Variants in SLC44A5 observed in about 807,000 individuals in gnomAD.
The protein encoded by SLC44A5 is choline transporter-like protein 5.
A neutral mutation model predicts 101.8 loss-of-function variants in SLC44A5; 57 were observed. That is an observed-to-expected ratio of 0.56 (90% CI 0.45 to 0.70). The LOEUF (loss-of-function observed/expected upper bound fraction) is 0.70, where lower values mean the gene tolerates loss of function less well. Ranked by LOEUF, SLC44A5 falls within the 30% of genes least tolerant of loss-of-function variation. The pLI is 0.00. For missense variants in SLC44A5, 737 were observed against 853.1 expected, an observed-to-expected ratio of 0.86 and a Z score of 1.70; for synonymous variants, 281 against 290.9, an observed-to-expected ratio of 0.97 and a Z score of 0.35.
intron 1 of SLC44A5, among the ~76,000 whole-genome samples, chr1:75,574,462 T>C (rs1177272157): frequency 1.3e-5 from 2 of 152,190 alleles, no homozygotes; most frequent in Admixed American, 6.5e-5. Flanking sequence ...CTTGATAAAA[T>C]ATTGACAATA....
At chr1:75,300,101 C>T (rs1375576063) in intron 5 of SLC44A5, among the ~76,000 whole-genome samples, 1 of 131,896 alleles carries the variant, frequency 7.6e-6, no homozygotes, top group Non-Finnish European at 1.6e-5. Context: ...AATCTTTAAC[C>T]TAACAATAAA....
chr1:75,683,149 C>G, the SLC44A5 span, among the ~76,000 whole-genome samples: 1 of 151,508 alleles, frequency 6.6e-6, no homozygotes, highest in African/African-American at 2.4e-5. Flanking sequence ...CACTTTTACA[C>G]TGTTGGTGGG....
At chr1:75,383,892 G>A (rs904533596) in intron 3 of SLC44A5, among the ~76,000 whole-genome samples, 2 of 151,922 alleles carry the variant, frequency 1.3e-5, no homozygotes, top group Non-Finnish European at 2.9e-5. Flanking sequence ...AGAGAGTGGG[G>A]GCCAATATTC....
At chr1:75,527,828 A>T (rs1315114960) in intron 2 of SLC44A5, among the ~76,000 whole-genome samples, 2 of 152,112 alleles carry the variant, frequency 1.3e-5, no homozygotes, top group Non-Finnish European at 2.9e-5. Flanking sequence ...CTGTTCACTG[A>T]CCTTTTGTAT....
chr1:75,244,075 G>A (rs796654185), intron 7 of SLC44A5, among the ~76,000 whole-genome samples: 5 of 152,170 alleles, frequency 3.3e-5, no homozygotes, highest in African/African-American at 1.2e-4. Context: ...CAGAAGCAAT[G>A]CTGGCTCCAT....
intron 5 of SLC44A5, among the ~76,000 whole-genome samples, chr1:75,289,658 T>C (rs1298395207): frequency 6.6e-6 from 1 of 152,164 alleles, no homozygotes; most frequent in African/African-American, 2.4e-5. Flanking sequence ...CCTTTGATCA[T>C]GGAAATTTAA....
chr1:75,478,166 A>C (rs1667558750), intron 2 of SLC44A5, among the ~76,000 whole-genome samples: 1 of 152,192 alleles, frequency 6.6e-6, no homozygotes, highest in South Asian at 2.1e-4. Context: ...TTCATAAGTG[A>C]AGGAGAAATA....
At chr1:75,388,682 G>A (rs1265333149) in intron 3 of SLC44A5, among the ~76,000 whole-genome samples, 3 of 151,956 alleles carry the variant, frequency 2.0e-5, no homozygotes, top group Non-Finnish European at 4.4e-5. Context: ...GGGAGGCTGA[G>A]GCAGGAGAAT....
chr1:75,401,678 T>G (rs1662485678), intron 2 of SLC44A5, among the ~76,000 whole-genome samples: 1 of 152,068 alleles, frequency 6.6e-6, no homozygotes, highest in African/African-American at 2.4e-5. Context: ...CATTTGACTG[T>G]CATATAGAAG....
intron 7 of SLC44A5, among the ~76,000 whole-genome samples, chr1:75,249,238 C>G (rs1490056246): frequency 6.6e-6 from 1 of 151,990 alleles, no homozygotes; most frequent in Non-Finnish European, 1.5e-5. Flanking sequence ...GATTTACAAA[C>G]TAATCCTAGG....
chr1:75,411,337 A>G (rs1663267054), intron 2 of SLC44A5, among the ~76,000 whole-genome samples: 1 of 152,100 alleles, frequency 6.6e-6, no homozygotes, highest in Non-Finnish European at 1.5e-5. Flanking sequence ...TGTACTAGTC[A>G]ATTCTCCAAA....
At chr1:75,316,770 G>C (rs1259939375) in intron 4 of SLC44A5, among the ~76,000 whole-genome samples, 1 of 152,024 alleles carries the variant, frequency 6.6e-6, no homozygotes, top group East Asian at 1.9e-4. Flanking sequence ...TTCTCCCTTT[G>C]CTTCTTACTG....
intron 2 of SLC44A5, among the ~76,000 whole-genome samples, chr1:75,454,321 G>T (rs1216299158): frequency 6.6e-6 from 1 of 152,024 alleles, no homozygotes; most frequent in Non-Finnish European, 1.5e-5. Context: ...CTCAATAAAT[G>T]CAGAAAAAGC....
chr1:75,232,336 C>T (rs1363552614), intron 12 of SLC44A5, among the ~76,000 whole-genome samples: 1 of 152,110 alleles, frequency 6.6e-6, no homozygotes, highest in Non-Finnish European at 1.5e-5. Context: ...CCTTTCCTTC[C>T]TGATGACAAT....
the SLC44A5 span, among the ~76,000 whole-genome samples, chr1:75,666,224 GCC>G: frequency 6.6e-6 from 1 of 152,010 alleles, no homozygotes; most frequent in Non-Finnish European, 1.5e-5. Context: ...CAACCTAAGT[GCC>G]CATCCATGGT....
At chr1:75,472,656 C>T (rs1299963152) in intron 2 of SLC44A5, among the ~76,000 whole-genome samples, 2 of 152,148 alleles carry the variant, frequency 1.3e-5, no homozygotes, top group Admixed American at 1.3e-4. Context: ...TTTCATTTAG[C>T]AGCTGAAATG....
At chr1:75,706,067 G>T in the SLC44A5 span, among the ~76,000 whole-genome samples, 13 of 152,040 alleles carry the variant, frequency 8.6e-5, no homozygotes, top group Non-Finnish European at 1.9e-4. Context: ...CTTTATTCAG[G>T]TTTACTCTGG....
At chr1:75,576,540 G>C (rs542769502) in intron 1 of SLC44A5, among the ~76,000 whole-genome samples, 5 of 152,044 alleles carry the variant, frequency 3.3e-5, no homozygotes, top group East Asian at 1.9e-4. Flanking sequence ...GGATGGTCTC[G>C]ATCTCCTGAC....
At chr1:75,322,035 C>A (rs1570670345) in intron 4 of SLC44A5, among the ~76,000 whole-genome samples, 1 of 152,102 alleles carries the variant, frequency 6.6e-6, no homozygotes, top group Admixed American at 6.6e-5. Context: ...GTTTACAGGC[C>A]AGGTGTGGTG....
Sources: gnomAD v4.1 joint callset for allele counts (sites outside exome capture counted in the v4.1 genomes callset) on GRCh38, gnomAD v4.1.1 for gene constraint, MANE v1.5 for transcripts, NCBI Gene and HGNC (gene_info 2026-07-23, HGNC 2026-07-21) for gene names.